SIN3A: variants seen among roughly 807,000 people sequenced by gnomAD.
The protein encoded by SIN3A is SIN3 transcription regulator family member A, also known as paired amphipathic helix protein Sin3a.
In SIN3A, 14 loss-of-function variants were observed where a neutral mutation model predicts 146.1. That is an observed-to-expected ratio of 0.10 (90% CI 0.06 to 0.15). SIN3A has a LOEUF of 0.15. SIN3A is among the 10% of genes least tolerant of loss of function. The pLI, the probability that SIN3A is intolerant of heterozygous loss-of-function variation, is 1.00. For synonymous variants in SIN3A, 572 were observed against 572.0 expected (o/e 1.00, Z 0.00); for missense variants, 1,028 against 1,576.0 (o/e 0.65, Z 5.89).
intron 19 of SIN3A, among the ~76,000 whole-genome samples, chr15:75,378,712 C>T (rs948466285): frequency 6.6e-6 from 1 of 152,078 alleles, no homozygotes; most frequent in African/African-American, 2.4e-5. Flanking sequence ...TTCAATCAAA[C>T]AACATACATA....
chr15:75,393,536 A>T (rs1489737531), intron 14 of SIN3A, among the ~76,000 whole-genome samples: 2 of 151,976 alleles, frequency 1.3e-5, no homozygotes, highest in Admixed American at 1.3e-4. Flanking sequence ...CCACCATGCC[A>T]GGCTAATTTT....
upstream of SIN3A, chr15:75,455,672 C>G (rs2074478265): frequency 6.6e-6 from 1 of 152,280 alleles, no homozygotes; most frequent in Non-Finnish European, 1.5e-5. Context: ...TCAGCTCGGT[C>G]CCAGGGCCCG....
chr15:75,402,468 G>C lies in SIN3A; in HGVS notation c.1408-498C>G, dbSNP rs113872878. 4.0e-4 allele frequency among the ~76,000 whole-genome samples: 61 copies of C among 151,826 alleles called. 1 individual carries two copies. Among genetic ancestry groups the C allele is most frequent in the African/African-American group, 1.4e-3 (58 of 41,450 alleles). ...TGGAGGCAGACGTTGCAGTGAGCTG[G>C]GATAATGCCACTGTACTCCAGCCTG... On this transcript the variant is annotated intron_variant, in intron 9 of 20. Coordinates refer to ENST00000394947, the MANE Select transcript of SIN3A (RefSeq NM_001145358.2).
chr15:75,373,344 C>CT (rs2072789513), intron 20 of SIN3A, among the ~76,000 whole-genome samples: 2 of 152,156 alleles, frequency 1.3e-5, no homozygotes, highest in African/African-American at 4.8e-5. Flanking sequence ...TGCCACTGCG[C>CT]TTCCCTCAGT....
At position 75,411,730 on chromosome 15, in the gene SIN3A, T is replaced by G; in HGVS notation, c.770A>C (p.Gln257Pro). ...PAKVSKPSQL[Q>P]AHTPASQQTP... ...CTGCTGACTGGCCGGAGTATGTGCTTGCAGTTGGGAGGGCTAGAAAGAAAA... is the reference window on the plus strand; with the variant it reads ...CTGCTGACTGGCCGGAGTATGTGCTGGCAGTTGGGAGGGCTAGAAAGAAAA... The change falls in exon 6 of 21, where the codon CAA (glutamine) becomes CCA (proline). Residue 257 changes from glutamine (Q) to proline (P), a missense_variant. This residue lies in a region of SIN3A where 112 missense variants were observed against 135.7 expected (regional missense o/e 0.83). Coordinates refer to ENST00000394947, the MANE Select transcript of SIN3A (RefSeq NM_001145358.2). 6.2e-7 allele frequency: 1 copy of G among 1,601,402 alleles called. No homozygotes were observed.
At chr15:75,374,106 A>G (rs1186410827) in intron 20 of SIN3A, among the ~76,000 whole-genome samples, 1 of 152,208 alleles carries the variant, frequency 6.6e-6, no homozygotes, top group Non-Finnish European at 1.5e-5. Context: ...AAACAAACCA[A>G]AAAACCCCAA....
chr15:75,375,025 A>C (rs1332150173), intron 20 of SIN3A, among the ~76,000 whole-genome samples: 1 of 152,200 alleles, frequency 6.6e-6, no homozygotes, highest in Admixed American at 6.5e-5. Flanking sequence ...CATACAAGCA[A>C]AAGATCAGAT....
intron 3 of SIN3A, among the ~76,000 whole-genome samples, chr15:75,418,921 AT>A (rs1204318104): frequency 2.6e-5 from 4 of 151,084 alleles, no homozygotes; most frequent in East Asian, 1.9e-4. Flanking sequence ...CGGCCGGCTA[AT>A]TTTTTTTTCT....
intron 9 of SIN3A, among the ~76,000 whole-genome samples, chr15:75,405,308 C>A (rs1230074146): frequency 6.7e-6 from 1 of 149,496 alleles, no homozygotes; most frequent in Non-Finnish European, 1.5e-5. Flanking sequence ...GGAGGTTGCA[C>A]TGAGCCAAGA....
At position 75,396,460 on chromosome 15, in the gene SIN3A, G is replaced by A; in HGVS notation, c.1891C>T (p.Arg631Trp). 1 of 1,613,914 alleles carries A rather than the reference G, an allele frequency of 6.2e-7. No homozygotes were observed. The highest frequency in any genetic ancestry group is 8.5e-7 in the Non-Finnish European group (1 of 1,179,928). ...TTCTTCTGTATTGCTTCCAGAACCC[G>A]GATTGTTGCCAGATTGGTCTCTAAA... ...VVLETNLATI[R>W]VLEAIQKKLS... The change falls in exon 13 of 21, where the codon CGG becomes TGG. Residue 631 changes from arginine (R) to tryptophan (W), a missense_variant. By Grantham distance (101) the Arg-to-Trp change is moderately radical (BLOSUM62 -3). Around this residue, in one of 9 missense-constraint regions of SIN3A, gnomAD observed 157 missense variants for 284.8 expected, o/e 0.55. Transcript: ENST00000394947.
upstream of SIN3A, chr15:75,451,830 C>T (rs1333560516): frequency 6.6e-6 from 1 of 151,894 alleles, no homozygotes; most frequent in African/African-American, 2.4e-5. Flanking sequence ...CCGCCCCTTC[C>T]CCCTCGACTG....
At position 75,426,662 on chromosome 15, in the gene SIN3A, G is replaced by C. The variant is rs529918290; in HGVS notation, c.189+3525C>G. 1.2e-3 allele frequency among the ~76,000 whole-genome samples: 186 copies of C among 152,298 alleles called. 1 individual carries two copies. The highest frequency in any genetic ancestry group is 4.4e-3 in the African/African-American group (181 of 41,566). On this transcript the variant is annotated intron_variant, in intron 2 of 20. Coordinates refer to ENST00000394947, the MANE Select transcript of SIN3A (RefSeq NM_001145358.2). ...AAAAGCAGAAAGGGCGGACGAGGTG[G>C]CTCATGCCTGTAATCCTAGCAGTTT...
intron 20 of SIN3A, 33 bp from the exon 21 acceptor site, chr15:75,372,242 G>A: frequency 6.9e-7 from 1 of 1,451,094 alleles, no homozygotes; most frequent in Non-Finnish European, 9.3e-7. Flanking sequence ...TTTATTAAAT[G>A]AAGCAGAACC....
At chr15:75,384,892 G>A (rs1164739004) in intron 16 of SIN3A, among the ~76,000 whole-genome samples, 1 of 152,184 alleles carries the variant, frequency 6.6e-6, no homozygotes, top group Non-Finnish European at 1.5e-5. Flanking sequence ...TTTACACAAT[G>A]CATCAGAAAG....
intron 1 of SIN3A, among the ~76,000 whole-genome samples, chr15:75,446,795 A>C (rs1022956338): frequency 6.6e-6 from 1 of 151,708 alleles, no homozygotes; most frequent in Non-Finnish European, 1.5e-5. Flanking sequence ...TTCTTTTGAG[A>C]CAGTCTCGCT....
At chr15:75,437,262 TC>T (rs2074124075) in intron 1 of SIN3A, among the ~76,000 whole-genome samples, 1 of 150,568 alleles carries the variant, frequency 6.6e-6, no homozygotes, top group Admixed American at 6.6e-5. Flanking sequence ...ATCCCCAACC[TC>T]CTGGGCTCAA....
chr15:75,382,581 A>C (rs2072992562), intron 17 of SIN3A, among the ~76,000 whole-genome samples: 1 of 152,228 alleles, frequency 6.6e-6, no homozygotes, highest in African/African-American at 2.4e-5. Context: ...TTCTCTAAAA[A>C]GTGAATATCA....
In SIN3A at chr15:75,433,890, C is replaced by T. The variant is rs1241470172; in HGVS notation, c.-33-3482G>A. 3.9e-5 allele frequency among the ~76,000 whole-genome samples: 6 copies of T among 152,276 alleles called. No individual in the cohort carries two copies. In the East Asian group the frequency reaches 9.6e-4, roughly 24 times the overall value. On this transcript the variant is annotated intron_variant, in intron 1 of 20. Coordinates refer to ENST00000394947, the MANE Select transcript of SIN3A (RefSeq NM_001145358.2). ...AACTCTCTCTCAAATAAATTGCTTC[C>T]GCTCTAATCATACCTCCTGGTTTCA... is the stretch of plus-strand genomic sequence containing the variant.
At chr15:75,422,437 C>T in intron 3 of SIN3A, 1 of 634,092 alleles carries the variant, frequency 1.6e-6, no homozygotes, top group African/African-American at 1.8e-5. Context: ...TCATACAGTC[C>T]ACAAACATTT....
Sources: allele counts gnomAD v4.1 joint callset (sites outside exome capture counted in the v4.1 genomes callset), GRCh38; gene constraint gnomAD v4.1.1; regional missense constraint gnomAD v4.1.1; transcripts MANE v1.5; gene names NCBI Gene and HGNC (gene_info 2026-07-23, HGNC 2026-07-21).